The following MAP2K4 variants were observed in gnomAD, a reference collection of about 807,000 sequenced individuals.
MAP2K4 encodes the protein dual specificity mitogen-activated protein kinase kinase 4.
A neutral mutation model predicts 48.5 loss-of-function variants in MAP2K4; 4 were observed. The ratio of observed to expected loss-of-function variants is 0.08; its 90% CI spans 0.04 to 0.19. The LOEUF (loss-of-function observed/expected upper bound fraction) is 0.19, where lower values mean the gene tolerates loss of function less well. Among genes scored for constraint, MAP2K4 ranks in the 10% least tolerant of loss-of-function variants. The pLI is 1.00. For synonymous variants in MAP2K4, 166 were observed against 173.1 expected (o/e 0.96, Z 0.32); for missense variants, 258 against 493.3 (o/e 0.52, Z 4.52).
In MAP2K4 at chr17:12,141,532, C is replaced by G; in HGVS notation, c.*272C>G. The G allele has an allele frequency of 2.2e-6, 1 of 459,524 alleles. No homozygotes were observed. Among genetic ancestry groups the G allele is most frequent in the Non-Finnish European group, 3.9e-6 (1 of 254,452 alleles). The allele number at this position is 459,524 out of a possible 1,614,324, so 28.5% of individuals were successfully genotyped here. On this transcript the variant is annotated 3_prime_UTR_variant, in exon 11 of 11. Transcript: ENST00000353533. ...CATGAAATGTGGAAGTCAGTACGAT[C>G]AAGTTGTTGACTGTGATTAGATCAC...
intron 8 of MAP2K4, among the ~76,000 whole-genome samples, chr17:12,126,444 C>T (rs1214584086): frequency 2.0e-5 from 3 of 152,298 alleles, no homozygotes; most frequent in East Asian, 1.9e-4. Flanking sequence ...CTCACAGTTT[C>T]GGAGGCTGGG....
intron 2 of MAP2K4, among the ~76,000 whole-genome samples, chr17:12,065,720 C>T (rs935625859): frequency 4.6e-5 from 7 of 152,226 alleles, no homozygotes; most frequent in East Asian, 3.8e-4. Context: ...AGGCTTGAGC[C>T]GCCGTGCCTG....
At chr17:12,120,227 A>G (rs12450885) in intron 7 of MAP2K4, among the ~76,000 whole-genome samples, 36,945 of 152,062 alleles carry the variant, frequency 0.24, 4,820 homozygotes, top group Non-Finnish European at 0.28. Context: ...TTGGGAGGCC[A>G]AGGTAGGCGG....
intron 4 of MAP2K4, among the ~76,000 whole-genome samples, chr17:12,103,945 T>G (rs1972026770): frequency 6.6e-6 from 1 of 152,216 alleles, no homozygotes; most frequent in African/African-American, 2.4e-5. Flanking sequence ...GCTTCTCATT[T>G]TTTTATAATT....
intron 2 of MAP2K4, among the ~76,000 whole-genome samples, chr17:12,059,756 A>G (rs1198211905): frequency 1.3e-5 from 2 of 152,228 alleles, no homozygotes; most frequent in African/African-American, 2.4e-5. Context: ...CAAAGTCCCT[A>G]GTTAATAACT....
At chr17:12,033,617 G>T (rs1471935459) in intron 1 of MAP2K4, among the ~76,000 whole-genome samples, 2 of 151,976 alleles carry the variant, frequency 1.3e-5, no homozygotes, top group African/African-American at 4.8e-5. Context: ...TGCTCATAGT[G>T]AACCTTTATA....
intron 1 of MAP2K4, among the ~76,000 whole-genome samples, chr17:12,040,647 G>A (rs1243963574): frequency 1.3e-5 from 2 of 152,174 alleles, no homozygotes; most frequent in Non-Finnish European, 2.9e-5. Context: ...TCAGTGCTTA[G>A]AATGCTCAGA....
chr17:12,103,588 A>G (rs751588525), intron 4 of MAP2K4, among the ~76,000 whole-genome samples: 1 of 152,112 alleles, frequency 6.6e-6, no homozygotes. Flanking sequence ...TATGTCTTCA[A>G]ATATTATAAA....
At chr17:12,130,943 A>G (rs1973001939) in intron 9 of MAP2K4, among the ~76,000 whole-genome samples, 2 of 152,148 alleles carry the variant, frequency 1.3e-5, no homozygotes, top group African/African-American at 4.8e-5. Context: ...CTCTATCTAA[A>G]GTATGCATTC....
chr17:12,060,817 C>G (rs1970428443), intron 2 of MAP2K4, among the ~76,000 whole-genome samples: 1 of 151,942 alleles, frequency 6.6e-6, no homozygotes, highest in East Asian at 1.9e-4. Flanking sequence ...AGTAAATATA[C>G]ATAACGTAAA....
intron 7 of MAP2K4, among the ~76,000 whole-genome samples, 154 bp downstream of exon 7, chr17:12,113,514 A>C (rs1194425779): frequency 6.6e-6 from 1 of 152,218 alleles, no homozygotes; most frequent in Non-Finnish European, 1.5e-5. Context: ...CCTCTCCATG[A>C]AACTTTGCTA....
At position 12,030,224 on chromosome 17, in the gene MAP2K4, A is replaced by AATTG. The variant is rs138588221; in HGVS notation, c.115+9225_115+9226insTGAT. 2.0e-3 allele frequency among the ~76,000 whole-genome samples: 311 copies of AATTG among 152,290 alleles called. 1 individual carries two copies. The highest frequency in any genetic ancestry group is 6.6e-3 in the African/African-American group (275 of 41,570). ...ACTAAAAACGCTTCTTCCCTAATTT[A>AATTG]ATAATGTTAAGAAAGTTACAGAATT... is the stretch of plus-strand genomic sequence containing the variant. On this transcript the variant is annotated intron_variant, in intron 1 of 10. Transcript: ENST00000353533.
At chr17:12,116,821 C>T (rs1972514668) in intron 7 of MAP2K4, among the ~76,000 whole-genome samples, 2 of 151,978 alleles carry the variant, frequency 1.3e-5, no homozygotes, top group Admixed American at 6.6e-5. Context: ...CTGTTGATAA[C>T]TTTTTTTTAA....
rs892592198 is a variant in MAP2K4 at position 12,143,439 on chromosome 17, CTG to C, written c.*2182_*2183del. 3.4e-5 allele frequency: 8 copies of C among 232,428 alleles called. No homozygotes were observed. The highest frequency in any genetic ancestry group is 8.8e-5 in the African/African-American group (4 of 45,268). 14.4% of individuals were successfully genotyped at this position (232,428 alleles called of 1,614,324 possible). On this transcript the variant is annotated 3_prime_UTR_variant, in exon 11 of 11. Transcript: ENST00000353533. Reference sequence around the variant, plus strand: ...CAAAAGGGTGTATAGTGTTCACAAACTGTGAAAATAGTGTAAGAACTGTACAT... The same window carrying C: ...CAAAAGGGTGTATAGTGTTCACAAACTGAAAATAGTGTAAGAACTGTACAT...
chr17:12,036,634 C>CT (rs1969608225), intron 1 of MAP2K4: 1 of 151,974 alleles, frequency 6.6e-6, no homozygotes, highest in Non-Finnish European at 1.5e-5. Context: ...CAGAAGCCCC[C>CT]TTTTTTAGAA....
chr17:12,072,293 A>G (rs1245998687), intron 2 of MAP2K4, among the ~76,000 whole-genome samples: 3 of 152,206 alleles, frequency 2.0e-5, no homozygotes, highest in East Asian at 3.8e-4. Context: ...CTTGATTTCA[A>G]CATTTATGGG....
intron 9 of MAP2K4, among the ~76,000 whole-genome samples, chr17:12,131,475 G>T (rs943948953): frequency 1.3e-5 from 2 of 151,162 alleles, no homozygotes; most frequent in African/African-American, 2.4e-5. Context: ...TCGAACTTCT[G>T]ACCTCGTGAT....
intron 7 of MAP2K4, chr17:12,116,024 C>G (rs950609505): frequency 2.7e-6 from 1 of 367,972 alleles, no homozygotes; most frequent in Admixed American, 3.7e-5. Flanking sequence ...AACCAAATGA[C>G]CGCACTGTTA....
intron 2 of MAP2K4, 122 bp downstream of exon 2, chr17:12,055,113 T>G: frequency 1.8e-6 from 1 of 567,648 alleles, no homozygotes; most frequent in Admixed American, 3.4e-5. Flanking sequence ...TCTGGGAATA[T>G]TGTTTATTCT....
Sources: gnomAD v4.1 joint callset for allele counts (sites outside exome capture counted in the v4.1 genomes callset) on GRCh38, gnomAD v4.1.1 for gene constraint, MANE v1.5 for transcripts, NCBI Gene and HGNC (gene_info 2026-07-23, HGNC 2026-07-21) for gene names.